The following JAKMIP3 variants were observed in gnomAD, a reference collection of about 807,000 sequenced individuals.
JAKMIP3 encodes janus kinase and microtubule-interacting protein 3.
Under a neutral mutation model 118.5 loss-of-function variants are expected in JAKMIP3, and 58 were observed. That is an observed-to-expected ratio of 0.49 (90% confidence interval 0.40 to 0.61). JAKMIP3 has a LOEUF of 0.61. Ranked by LOEUF, JAKMIP3 falls within the 20% of genes least tolerant of loss-of-function variation. The pLI is 0.00. For missense variants in JAKMIP3, 950 were observed against 1,109.0 expected (o/e 0.86, Z 2.04); for synonymous variants, 486 against 451.2 (o/e 1.08, Z -0.98).
chr10:132,142,167 C>A (rs879088003), intron 11 of JAKMIP3, 119 bp downstream of exon 11: 2 of 1,078,348 alleles, frequency 1.9e-6, no homozygotes, highest in South Asian at 1.6e-5. Context: ...TCCTCTCCTG[C>A]CCTTGCCTGC....
chr10:132,164,695 T>C lies in JAKMIP3; in HGVS notation c.2450T>C (p.Ile817Thr), dbSNP rs1038068038. ...QQRIKELEERIEAQKRQIKEL... is the reference protein window; with the variant it reads ...QQRIKELEERTEAQKRQIKEL... ...AGAATTAAAGAGTTAGAAGAAAGAA[T>C]AGAAGCTCAGAAGAGACAAATAAAG... The change falls in exon 21 of 24, where the codon ATA becomes ACA. Residue 817 changes from isoleucine (I) to threonine (T), a missense_variant. Physicochemically the swap from Ile to Thr is moderately conservative, Grantham distance 89 (BLOSUM62 -1). Transcript: ENST00000684848. 4 of 1,599,308 alleles carry C rather than the reference T, an allele frequency of 2.5e-6. No individual in the cohort carries two copies. The African/African-American group carries it at 4.0e-5, about 16-fold the overall frequency.
rs373132662 is a variant in JAKMIP3, at chr10:132,140,598, C to T, written c.1473+19C>T. On this transcript the variant is annotated intron_variant, in intron 10 of 23. Coordinates refer to ENST00000684848, the MANE Select transcript of JAKMIP3 (RefSeq NM_001323087.2). ...GGAGGAGGTAACGAGGGTCTCCTGC[C>T]GGGTCCTGGGCTTGGAGGAGGTAAC... 3.2e-5 allele frequency: 44 copies of T among 1,392,652 alleles called. No homozygotes were observed. The highest frequency in any genetic ancestry group is 1.5e-4 in the East Asian group (4 of 27,280). The allele number at this position is 1,392,652 out of a possible 1,614,324, so 86.3% of individuals were successfully genotyped here.
intron 1 of JAKMIP3, among the ~76,000 whole-genome samples, chr10:132,094,940 T>C (rs2043646924): frequency 6.6e-6 from 1 of 152,098 alleles, no homozygotes; most frequent in African/African-American, 2.4e-5. Flanking sequence ...ATTCGCAGGT[T>C]AATGGAGTTG....
rs778187502 is a variant in JAKMIP3, at chr10:132,117,252, G to T, written c.311G>T (p.Arg104Met). 2 of 1,613,984 alleles carry T rather than the reference G, an allele frequency of 1.2e-6. No individual in the cohort carries two copies. Among genetic ancestry groups the T allele is most frequent in the Non-Finnish European group, 1.7e-6 (2 of 1,179,904 alleles). The stretch of plus-strand genomic sequence containing the variant: ...CGGCAGCATGAGGCTGAGCTGCTCA[G>T]GGTCATCAAGATCAAGGACAACGAG... ...LLRQHEAELL[R>M]VIKIKDNENQ... Residue 104 changes from arginine to methionine, a missense_variant, in exon 3 of 24, where the codon AGG becomes ATG. Coordinates refer to ENST00000684848, the MANE Select transcript of JAKMIP3 (RefSeq NM_001323087.2). This position sits in a 1 kb window ranked among gnomAD's most constrained non-coding sequence, Gnocchi z 8.6.
chr10:132,097,978 C>CCCTTTA (rs2044243690), intron 1 of JAKMIP3, among the ~76,000 whole-genome samples: 3 of 54,428 alleles, frequency 5.5e-5, no homozygotes, highest in Non-Finnish European at 8.7e-5. Context: ...TCCTTTTCTC[C>CCCTTTA]CCTTCCCCTT....
At chr10:132,169,407 C>T (rs991424023) in intron 23 of JAKMIP3, among the ~76,000 whole-genome samples, 5 of 152,312 alleles carry the variant, frequency 3.3e-5, no homozygotes, top group South Asian at 4.1e-4. Flanking sequence ...TGAACGTGGA[C>T]GCCGCCCCAC....
rs540468289 is a variant in JAKMIP3 at position 132,149,385 on chromosome 10, G to C, written c.1849-27G>C. 593 of 1,472,722 alleles carry C rather than the reference G, an allele frequency of 4.0e-4. 6 individuals carry two copies. In the South Asian group the frequency reaches 6.3e-3, roughly 16 times the overall value. The allele number at this position is 1,472,722 out of a possible 1,614,324, so 91.2% of individuals were successfully genotyped here. A position where few individuals can be genotyped will look rare whatever the true frequency, so the allele number is the denominator to read the frequency against. ...AGAGGGAAGGGATGGGAGGGGAGCG[G>C]CTCACCCTTCTGTCCCTCTGTCCTA... On this transcript the variant is annotated intron_variant, in intron 14 of 23. Coordinates refer to ENST00000684848, the MANE Select transcript of JAKMIP3 (RefSeq NM_001323087.2).
intron 2 of JAKMIP3, among the ~76,000 whole-genome samples, chr10:132,106,357 T>TA (rs531394271): frequency 0.051 from 6,392 of 126,370 alleles, 176 homozygotes; most frequent in South Asian, 0.15. Context: ...AAAAATGATT[T>TA]AAAAAAAAAA....
rs536969912 is a variant in JAKMIP3 at position 132,161,980 on chromosome 10, G to A, written c.2221-1229G>A. On this transcript the variant is annotated intron_variant, in intron 19 of 23. Transcript: ENST00000684848. ...GTTTGGGATGCTCCGAGTTTTCTGAGTTCACTGTTGATTTCCTTCCCTTTC... is the reference window on the plus strand; with the variant it reads ...GTTTGGGATGCTCCGAGTTTTCTGAATTCACTGTTGATTTCCTTCCCTTTC... Among the ~76,000 whole-genome samples the A allele has an allele frequency of 5.4e-5, 8 of 147,702 alleles. 2 individuals are homozygous for A. The highest frequency in any genetic ancestry group is 3.9e-4 in the East Asian group (2 of 5,186).
At chr10:132,052,942 T>C (rs1383769728) in intron 1 of JAKMIP3, among the ~76,000 whole-genome samples, 1 of 152,258 alleles carries the variant, frequency 6.6e-6, no homozygotes, top group Non-Finnish European at 1.5e-5. Flanking sequence ...TTGTGAACTG[T>C]ATTTGTCAAT....
rs760778892 is a variant in JAKMIP3 at position 132,147,984 on chromosome 10, C to T, written c.1782C>T (p.Leu594=). 2.5e-6 allele frequency: 4 copies of T among 1,610,642 alleles called. No homozygotes were observed. The highest frequency in any genetic ancestry group is 3.4e-6 in the Non-Finnish European group (4 of 1,178,630). Residue 594 remains leucine (L), a synonymous_variant, in exon 14 of 24, where the codon CTC becomes CTT. Coordinates refer to ENST00000684848, the MANE Select transcript of JAKMIP3 (RefSeq NM_001323087.2). The part of the protein sequence containing the change: ...IKQMETEEAR[L]RHEVQDARDQ... ...AAATGGAGACGGAAGAGGCTCGGCTCAGACACGAGGTGCAGGACGCCAGAG... is the reference window on the plus strand; with the variant it reads ...AAATGGAGACGGAAGAGGCTCGGCTTAGACACGAGGTGCAGGACGCCAGAG...
intron 1 of JAKMIP3, among the ~76,000 whole-genome samples, chr10:132,096,315 G>A (rs937550879): frequency 3.3e-5 from 5 of 152,164 alleles, no homozygotes; most frequent in African/African-American, 1.2e-4. Flanking sequence ...ATCTCAAAAG[G>A]GACTTCTAGT....
rs1411182926 is a variant in JAKMIP3 at position 132,168,201 on chromosome 10, C to T, written c.*271C>T. On this transcript the variant is annotated 3_prime_UTR_variant, in exon 23 of 24. Coordinates refer to ENST00000684848, the MANE Select transcript of JAKMIP3 (RefSeq NM_001323087.2). ...ACGGGCCTGGCCTTGGCTGCTGGAC[C>T]CTGGGTCCCTTCTCCCGGACGGCAG... 1.6e-6 allele frequency: 2 copies of T among 1,288,888 alleles called. No individual in the cohort carries two copies. Among genetic ancestry groups the T allele is most frequent in the Admixed American group, 4.6e-5 (2 of 43,484 alleles). 79.8% of individuals were successfully genotyped at this position (1,288,888 alleles called of 1,614,324 possible). A position where few individuals can be genotyped will look rare whatever the true frequency, so the allele number is the denominator to read the frequency against.
chr10:132,173,567 G>A (rs547572288), intron 23 of JAKMIP3, among the ~76,000 whole-genome samples: 9 of 152,254 alleles, frequency 5.9e-5, no homozygotes, highest in African/African-American at 2.2e-4. Context: ...CCCTAGGGCT[G>A]CTCATTTGTA....
In JAKMIP3 at chr10:132,117,118, G is replaced by A. The variant is rs1164671848; in HGVS notation, c.177G>A (p.Gln59=). 6.2e-7 allele frequency: 1 copy of A among 1,612,316 alleles called. No individual in the cohort carries two copies. The highest frequency in any genetic ancestry group is 1.7e-5 in the Admixed American group (1 of 59,970). The change falls in exon 3 of 24, where the codon CAG becomes CAA. Residue 59 remains glutamine (Q), a synonymous_variant. Coordinates refer to ENST00000684848, the MANE Select transcript of JAKMIP3 (RefSeq NM_001323087.2). The surrounding 1 kb of genome is among the most constrained non-coding windows in gnomAD (Gnocchi z 8.6). ...GCGAGAAGAACCAGGAGCTGCGGCA[G>A]GTGCGCGAGCATGAGCAGCATAAGA... is the stretch of plus-strand genomic sequence containing the variant. ...VEREKNQELR[Q]VREHEQHKTA...
intron 21 of JAKMIP3, among the ~76,000 whole-genome samples, chr10:132,166,595 T>A (rs559117408): frequency 6.6e-6 from 1 of 152,304 alleles, no homozygotes; most frequent in South Asian, 2.1e-4. Context: ...TTCACCATTA[T>A]TATTACCCCA....
chr10:132,092,642 A>C lies in JAKMIP3; in HGVS notation c.-137-12030A>C, dbSNP rs1237505198. On this transcript the variant is annotated intron_variant, in intron 1 of 23. Transcript: ENST00000684848. Reference sequence around the variant, plus strand: ...TCAGGTCATTTAAGGACTTCTCTACATTGGTTATTCTAGTTAGCCATTTGT... The same window carrying C: ...TCAGGTCATTTAAGGACTTCTCTACCTTGGTTATTCTAGTTAGCCATTTGT... Among the ~76,000 whole-genome samples the C allele has an allele frequency of 2.6e-5, 4 of 151,408 alleles. No individual in the cohort carries two copies. In the East Asian group the frequency reaches 7.8e-4, roughly 29 times the overall value.
At chr10:132,161,241 C>T (rs1447326955) in intron 19 of JAKMIP3, among the ~76,000 whole-genome samples, 4 of 5,062 alleles carry the variant, frequency 7.9e-4, no homozygotes, top group Non-Finnish European at 1.1e-3. Flanking sequence ...GGGGGCCTCT[C>T]CCTGTGTGAT....
At chr10:132,140,949 G>A (rs1044124738) in intron 10 of JAKMIP3, among the ~76,000 whole-genome samples, 8 of 152,352 alleles carry the variant, frequency 5.3e-5, no homozygotes, top group East Asian at 3.9e-4. Context: ...ACTCATCAGG[G>A]AGTTTGGTCT....
Sources: allele counts gnomAD v4.1 joint callset (sites outside exome capture counted in the v4.1 genomes callset), GRCh38; gene constraint gnomAD v4.1.1; non-coding constraint Gnocchi (gnomAD v3.1); transcripts MANE v1.5; gene names NCBI Gene and HGNC (gene_info 2026-07-23, HGNC 2026-07-21).